The following PARD3B variants were observed in gnomAD, a reference collection of about 807,000 sequenced individuals.
PARD3B encodes the protein par-3 family cell polarity regulator beta.
PARD3B carries 103 observed loss-of-function variants against 130.2 expected under a neutral mutation model. That is an observed-to-expected ratio of 0.79 (90% confidence interval 0.67 to 0.93). PARD3B has a LOEUF of 0.93. Among genes scored for constraint, PARD3B ranks in the 40% least tolerant of loss-of-function variants. PARD3B has a pLI of 0.00. For missense variants in PARD3B, 1,609 were observed against 1,499.2 expected (o/e 1.07, Z -1.21); for synonymous variants, 583 against 553.2 (o/e 1.05, Z -0.76).
chr2:204,838,011 G>A (rs2044114618), intron 2 of PARD3B, among the ~76,000 whole-genome samples: 1 of 152,064 alleles, frequency 6.6e-6, no homozygotes, highest in Non-Finnish European at 1.5e-5. Flanking sequence ...ACATCAAGGA[G>A]CTCACAGTAT....
intron 3 of PARD3B, among the ~76,000 whole-genome samples, chr2:205,020,810 A>G (rs1259076009): frequency 2.6e-5 from 4 of 152,152 alleles, no homozygotes; most frequent in African/African-American, 4.8e-5. Context: ...TTGGACCACT[A>G]TACTGCACTT....
intron 4 of PARD3B, among the ~76,000 whole-genome samples, chr2:205,058,649 G>A (rs1273163552): frequency 6.6e-6 from 1 of 151,930 alleles, no homozygotes; most frequent in Non-Finnish European, 1.5e-5. Context: ...ACTGTGAGGT[G>A]ATATTTCATT....
intron 2 of PARD3B, among the ~76,000 whole-genome samples, chr2:204,959,440 C>T (rs2125842480): frequency 6.6e-6 from 1 of 152,234 alleles, no homozygotes; most frequent in Admixed American, 6.5e-5. Flanking sequence ...AATAAACATG[C>T]ATCTTCATGT....
chr2:205,231,526 G>A (rs2038838109), intron 15 of PARD3B, among the ~76,000 whole-genome samples: 1 of 147,580 alleles, frequency 6.8e-6, no homozygotes, highest in South Asian at 2.2e-4. Flanking sequence ...TTGTAGAGAT[G>A]GGGTTTTGCC....
intron 22 of PARD3B, among the ~76,000 whole-genome samples, chr2:205,588,863 C>A (rs1204814445): frequency 1.3e-5 from 2 of 152,242 alleles, no homozygotes; most frequent in African/African-American, 4.8e-5. Flanking sequence ...CAAACTCCAA[C>A]TCTCAGGGAT....
Position 205,576,318 on chromosome 2 carries a change from CT to C in PARD3B, c.3260+22927del, listed in dbSNP as rs200866403. On this transcript the variant is annotated intron_variant, in intron 22 of 22. Transcript: ENST00000406610. ...GCAAATATTTTCTGCCAATTGGTGG[CT>C]TTTTTTTTTTTCATGGATTGTGACT... Among the ~76,000 whole-genome samples the C allele has an allele frequency of 1.7e-3, 233 of 134,494 alleles. 4 individuals are homozygous for C. The highest frequency in any genetic ancestry group is 0.013 in the East Asian group (65 of 4,844). The allele number at this position is 134,494 out of a possible 152,430, so 88.2% of individuals were successfully genotyped here.
rs553138334 is a variant in PARD3B, at chr2:205,153,859, C to G, written c.1435-4863C>G. On this transcript the variant is annotated intron_variant, in intron 10 of 22. Transcript: ENST00000406610. ...GCTAGCCATATGTAGAAAGCTGAAA[C>G]TGGATCCCTTCCTTACATCTTGTAC... is the stretch of plus-strand genomic sequence containing the variant. 5.3e-5 allele frequency among the ~76,000 whole-genome samples: 8 copies of G among 152,290 alleles called. No homozygotes were observed. In the South Asian group the frequency reaches 1.7e-3, roughly 32 times the overall value.
chr2:204,991,072 CTTT>C (rs201018710), intron 3 of PARD3B, among the ~76,000 whole-genome samples: 36 of 145,356 alleles, frequency 2.5e-4, no homozygotes, highest in African/African-American at 7.8e-4. Context: ...AGTTGTCATT[CTTT>C]TTTTTTTTTT....
Position 205,521,935 on chromosome 2 carries a change from C to T in PARD3B, c.3180+21904C>T, listed in dbSNP as rs372286187. On this transcript the variant is annotated intron_variant, in intron 21 of 22. Coordinates refer to ENST00000406610, the MANE Select transcript of PARD3B (RefSeq NM_001302769.2). Reference sequence around the variant, plus strand: ...AAAAATATCTAACTTGATCCTCTTTCCTGGGTAATTCTTTGACACCTTTTT... The same window carrying T: ...AAAAATATCTAACTTGATCCTCTTTTCTGGGTAATTCTTTGACACCTTTTT... 9.5e-4 allele frequency among the ~76,000 whole-genome samples: 144 copies of T among 152,104 alleles called. 1 individual carries two copies. The highest frequency in any genetic ancestry group is 3.4e-3 in the Middle Eastern group (1 of 294).
chr2:205,195,235 A>G (rs1320591699), intron 15 of PARD3B, among the ~76,000 whole-genome samples: 1 of 152,178 alleles, frequency 6.6e-6, no homozygotes, highest in Non-Finnish European at 1.5e-5. Context: ...GACAACGATA[A>G]TAGTAAGGTT....
In PARD3B at chr2:205,195,883, A is replaced by G. The variant is rs1004952821; in HGVS notation, c.2140+2563A>G. Among the ~76,000 whole-genome samples the G allele has an allele frequency of 6.6e-5, 10 of 151,854 alleles. No individual in the cohort carries two copies. The South Asian group carries it at 1.2e-3, about 19-fold the overall frequency. On this transcript the variant is annotated intron_variant, in intron 15 of 22. Coordinates refer to ENST00000406610, the MANE Select transcript of PARD3B (RefSeq NM_001302769.2). The stretch of plus-strand genomic sequence containing the variant: ...AATTAATTTATATTGGCTATTTCTC[A>G]CTTTATAAAGTCTGTAGGAATCTTC...
At chr2:204,895,492 G>T (rs1421411502) in intron 2 of PARD3B, among the ~76,000 whole-genome samples, 1 of 151,968 alleles carries the variant, frequency 6.6e-6, no homozygotes, top group Non-Finnish European at 1.5e-5. Context: ...ATATCTATGA[G>T]ATTTCTTAAA....
rs892226529 is a variant in PARD3B at position 205,295,840 on chromosome 2, A to G, written c.2186-4690A>G. ...AATCTATCTTATCACAATGGCCTCT[A>G]TATGTGATGAACAGATGAACATATA... is the stretch of plus-strand genomic sequence containing the variant. On this transcript the variant is annotated intron_variant, in intron 16 of 22. Coordinates refer to ENST00000406610, the MANE Select transcript of PARD3B (RefSeq NM_001302769.2). Among the ~76,000 whole-genome samples, 16 of 152,308 alleles carry G rather than the reference A, an allele frequency of 1.1e-4. No homozygotes were observed. The East Asian group carries it at 1.2e-3, about 11-fold the overall frequency.
In PARD3B at chr2:205,351,294, C is replaced by A. The variant is rs974605278; in HGVS notation, c.2630+49593C>A. Among the ~76,000 whole-genome samples, 8 of 152,146 alleles carry A rather than the reference C, an allele frequency of 5.3e-5. 1 individual carries two copies. Among genetic ancestry groups the A allele is most frequent in the African/African-American group, 1.2e-4 (5 of 41,416 alleles). On this transcript the variant is annotated intron_variant, in intron 18 of 22. Coordinates refer to ENST00000406610, the MANE Select transcript of PARD3B (RefSeq NM_001302769.2). The surrounding 1 kb of genome is among the most constrained non-coding windows in gnomAD (Gnocchi z 4.2). ...AACCGGTGTTTTTGATAAGACCACT[C>A]CTTTGTGGAGTTGTATCAGGGAATA...
chr2:205,339,708 C>T (rs1002215234), intron 18 of PARD3B, among the ~76,000 whole-genome samples: 1 of 152,128 alleles, frequency 6.6e-6, no homozygotes, highest in Non-Finnish European at 1.5e-5. Flanking sequence ...ATTGGACTTC[C>T]TATCCTGCTG....
chr2:205,260,142 T>A (rs2040247296), intron 16 of PARD3B, among the ~76,000 whole-genome samples: 1 of 152,080 alleles, frequency 6.6e-6, no homozygotes, highest in Non-Finnish European at 1.5e-5. Flanking sequence ...CTTACACACA[T>A]GAGTAGTTAA....
intron 4 of PARD3B, among the ~76,000 whole-genome samples, chr2:205,086,118 A>G (rs553575948): frequency 1.1e-3 from 170 of 152,348 alleles, no homozygotes; most frequent in Non-Finnish European, 1.2e-3. Context: ...ACCACTCAGT[A>G]TAGTTTCCAG....
chr2:205,445,094 CAA>C (rs914322756), intron 20 of PARD3B, among the ~76,000 whole-genome samples: 9 of 152,106 alleles, frequency 5.9e-5, no homozygotes, highest in African/African-American at 1.9e-4. Flanking sequence ...TCAGAGCTAA[CAA>C]GAGAATTCAG....
chr2:204,944,221 A>ATTTTTTTT (rs1213746332), intron 2 of PARD3B, among the ~76,000 whole-genome samples: 1 of 152,210 alleles, frequency 6.6e-6, no homozygotes, highest in Non-Finnish European at 1.5e-5. Context: ...AGCAGGACAC[A>ATTTTTTTT]TTTTTAAAGT....
Sources: gnomAD v4.1 joint callset for allele counts (sites outside exome capture counted in the v4.1 genomes callset) on GRCh38, gnomAD v4.1.1 for gene constraint, Gnocchi (gnomAD v3.1) non-coding constraint, MANE v1.5 for transcripts, NCBI Gene and HGNC (gene_info 2026-07-23, HGNC 2026-07-21) for gene names.